The following SMYD3 variants were observed in gnomAD, a reference collection of about 807,000 sequenced individuals.
SMYD3 encodes the protein SET and MYND domain containing 3.
SMYD3 carries 36 observed loss-of-function variants against 57.7 expected under a neutral mutation model. The observed-to-expected ratio is 0.62, with a 90% CI of 0.48 to 0.82. The LOEUF is 0.82. Ranked by LOEUF, SMYD3 falls within the 40% of genes least tolerant of loss-of-function variation. SMYD3 has a pLI of 0.00. For synonymous variants in SMYD3, 211 were observed against 195.0 expected (o/e 1.08, Z -0.68); for missense variants, 515 against 538.8 (o/e 0.96, Z 0.44).
chr1:246,455,506 C>CTATTCTAGGAA, intron 1 of SMYD3, among the ~76,000 whole-genome samples: 1 of 152,156 alleles, frequency 6.6e-6, no homozygotes, highest in African/African-American at 2.4e-5. Context: ...AAGAGGTTTC[C>CTATTCTAGGAA]TAGAAAGAAA....
intron 5 of SMYD3, among the ~76,000 whole-genome samples, chr1:246,199,706 C>A (rs2062879803): frequency 6.6e-6 from 1 of 152,180 alleles, no homozygotes; most frequent in East Asian, 1.9e-4. Flanking sequence ...TCTTGATTGA[C>A]AATGACACCA....
intron 5 of SMYD3, among the ~76,000 whole-genome samples, chr1:246,190,495 G>C (rs1228685781): frequency 7.0e-6 from 1 of 142,666 alleles, no homozygotes; most frequent in Non-Finnish European, 1.5e-5. Context: ...TGAGGCAGGA[G>C]AATCGCTTGA....
rs1022381057 is a variant in SMYD3, at chr1:246,220,735, C to A, written c.531+106466G>T. Among the ~76,000 whole-genome samples, 6 of 152,162 alleles carry A rather than the reference C, an allele frequency of 3.9e-5. 1 individual carries two copies. Among genetic ancestry groups the A allele is most frequent in the African/African-American group, 1.4e-4 (6 of 41,414 alleles). On this transcript the variant is annotated intron_variant, in intron 5 of 11. Transcript: ENST00000490107. Reference sequence around the variant, plus strand: ...GGGGGCTGGGCTGCCAGTTCCGGGGCATGGAGTGGAAACTTGTGGTGCCTT... The same window carrying A: ...GGGGGCTGGGCTGCCAGTTCCGGGGAATGGAGTGGAAACTTGTGGTGCCTT...
At chr1:246,083,515 G>GGGTCCTCCGTATGCTAAGCGCC (rs201949202) in intron 5 of SMYD3, among the ~76,000 whole-genome samples, 35 of 151,358 alleles carry the variant, frequency 2.3e-4, no homozygotes, top group Non-Finnish European at 1.0e-4. Context: ...GTGCCGGCGC[G>GGGTCCTCCGTATGCTAAGCGCC]GGTCCCCTGC....
At chr1:246,284,045 G>A (rs1345283122) in intron 5 of SMYD3, among the ~76,000 whole-genome samples, 3 of 152,152 alleles carry the variant, frequency 2.0e-5, no homozygotes, top group African/African-American at 7.2e-5. Flanking sequence ...TCTCAGAAAC[G>A]AAGTCTTGCT....
intron 1 of SMYD3, among the ~76,000 whole-genome samples, chr1:246,360,951 G>T (rs1295540506): frequency 1.3e-5 from 2 of 152,136 alleles, no homozygotes; most frequent in African/African-American, 4.8e-5. Flanking sequence ...AAATAGATGG[G>T]ACTTAATTAA....
chr1:245,934,125 G>A (rs1416912709), intron 5 of SMYD3, among the ~76,000 whole-genome samples: 2 of 152,140 alleles, frequency 1.3e-5, no homozygotes. Context: ...TGTCTAAAAT[G>A]TTCAGTACAG....
At chr1:246,333,778 C>T (rs1442736096) in intron 3 of SMYD3, among the ~76,000 whole-genome samples, 6 of 151,868 alleles carry the variant, frequency 4.0e-5, no homozygotes, top group Admixed American at 3.3e-4. Context: ...CCCAGCTACT[C>T]GGGAAGCTGA....
At chr1:246,130,136 T>A (rs2061565966) in intron 5 of SMYD3, among the ~76,000 whole-genome samples, 1 of 152,212 alleles carries the variant, frequency 6.6e-6, no homozygotes, top group African/African-American at 2.4e-5. Context: ...AACTTATATG[T>A]TCAATTTTTC....
At chr1:245,943,105 A>C (rs928713916) in intron 5 of SMYD3, among the ~76,000 whole-genome samples, 1 of 151,018 alleles carries the variant, frequency 6.6e-6, no homozygotes, top group African/African-American at 2.4e-5. Flanking sequence ...ACAAACCCCA[A>C]AGCTAGCAGA....
intron 10 of SMYD3, among the ~76,000 whole-genome samples, chr1:245,830,965 C>T (rs1278169714): frequency 2.0e-5 from 3 of 152,140 alleles, no homozygotes; most frequent in African/African-American, 7.2e-5. Flanking sequence ...CCCCCCTCCT[C>T]GCTACAGATC....
intron 5 of SMYD3, among the ~76,000 whole-genome samples, chr1:246,293,311 A>T (rs1482308104): frequency 6.6e-6 from 1 of 152,160 alleles, no homozygotes; most frequent in Non-Finnish European, 1.5e-5. Flanking sequence ...ATCTACATGT[A>T]TTATGTACTT....
At chr1:246,125,079 A>AC (rs1206513856) in intron 5 of SMYD3, among the ~76,000 whole-genome samples, 5 of 108,288 alleles carry the variant, frequency 4.6e-5, no homozygotes, top group Admixed American at 9.3e-5. Flanking sequence ...CTCAAAAAAA[A>AC]AAAAAAAAAC....
intron 5 of SMYD3, among the ~76,000 whole-genome samples, chr1:246,147,788 C>G (rs1221309453): frequency 6.6e-6 from 1 of 151,966 alleles, no homozygotes; most frequent in Admixed American, 6.5e-5. Context: ...CGCGCTCAAT[C>G]GAGCAGGCAG....
At chr1:246,428,939 A>G (rs2067260392) in intron 1 of SMYD3, among the ~76,000 whole-genome samples, 1 of 151,692 alleles carries the variant, frequency 6.6e-6, no homozygotes, top group Non-Finnish European at 1.5e-5. Context: ...CCCGTCAGGA[A>G]TATTATAGAT....
At chr1:246,273,982 A>T (rs967897533) in intron 5 of SMYD3, among the ~76,000 whole-genome samples, 1 of 151,932 alleles carries the variant, frequency 6.6e-6, no homozygotes. Flanking sequence ...TTCTTTATCT[A>T]GTTATTTCAC....
At chr1:245,840,779 G>A (rs1306702407) in intron 10 of SMYD3, among the ~76,000 whole-genome samples, 3 of 151,682 alleles carry the variant, frequency 2.0e-5, no homozygotes, top group Non-Finnish European at 2.9e-5. Context: ...TGCAGCTAAG[G>A]AGCAGGTCTG....
At chr1:246,246,642 A>C (rs2063708696) in intron 5 of SMYD3, among the ~76,000 whole-genome samples, 1 of 152,082 alleles carries the variant, frequency 6.6e-6, no homozygotes, top group Non-Finnish European at 1.5e-5. Flanking sequence ...CCTACTGGAC[A>C]CTTTATAATA....
intron 5 of SMYD3, among the ~76,000 whole-genome samples, chr1:246,028,805 AGT>A (rs2059619405): frequency 6.6e-6 from 1 of 152,196 alleles, no homozygotes; most frequent in South Asian, 2.1e-4. Flanking sequence ...CAAAACAGGA[AGT>A]ATCACACTAC....
Sources: gnomAD v4.1 joint callset for allele counts (sites outside exome capture counted in the v4.1 genomes callset) on GRCh38, gnomAD v4.1.1 for gene constraint, MANE v1.5 for transcripts, NCBI Gene and HGNC (gene_info 2026-07-23, HGNC 2026-07-21) for gene names.